The following SGIP1 variants were observed in gnomAD, a reference collection of about 807,000 sequenced individuals.
The protein encoded by SGIP1 is SH3-containing GRB2-like protein 3-interacting protein 1.
In SGIP1, 38 loss-of-function variants were observed where a neutral mutation model predicts 107.5. The observed-to-expected ratio is 0.35, with a 90% CI of 0.27 to 0.46. SGIP1 has a LOEUF of 0.46. Among genes scored for constraint, SGIP1 ranks in the 20% least tolerant of loss-of-function variants. The pLI is 1.00. For synonymous variants in SGIP1, 365 were observed against 366.1 expected, an observed-to-expected ratio of 1.00 and a Z score of 0.03; for missense variants, 929 against 1,019.5, an observed-to-expected ratio of 0.91 and a Z score of 1.21.
rs1300000167 is a variant in SGIP1, at chr1:66,605,164, C to T, written c.11-20683C>T. Among the ~76,000 whole-genome samples the T allele has an allele frequency of 3.3e-5, 5 of 152,282 alleles. No individual in the cohort carries two copies. In the East Asian group the frequency reaches 9.6e-4, roughly 29 times the overall value. ...CCCCCATGACCTGACCCTTTAGCCC[C>T]ATCTCCTGTCACTGTCTTCTTCTTA... On this transcript the variant is annotated intron_variant, in intron 1 of 24. Coordinates refer to ENST00000371037, the MANE Select transcript of SGIP1 (RefSeq NM_032291.4).
intron 12 of SGIP1, among the ~76,000 whole-genome samples, chr1:66,673,759 C>A (rs2084466354): frequency 6.6e-6 from 1 of 152,098 alleles, no homozygotes; most frequent in African/African-American, 2.4e-5. Context: ...TGGGGTGTGG[C>A]CTCCCTGACC....
intron 1 of SGIP1, among the ~76,000 whole-genome samples, chr1:66,537,564 G>A (rs140065645): frequency 8.9e-4 from 136 of 152,122 alleles, no homozygotes; most frequent in African/African-American, 3.0e-3. Flanking sequence ...AACTGAAGGC[G>A]TTTTGCGTTT....
At position 66,735,866 on chromosome 1, in the gene SGIP1, G is replaced by C. The variant is rs866389997; in HGVS notation, c.2031+1986G>C. On this transcript the variant is annotated intron_variant, in intron 21 of 24. Transcript: ENST00000371037. The stretch of plus-strand genomic sequence containing the variant: ...AAAAAAAAAAAAAAAGAGTGAGATC[G>C]TGTGGTATTGGTCTTTCTGTGCCTG... Among the ~76,000 whole-genome samples, 78 of 150,690 alleles carry C rather than the reference G, an allele frequency of 5.2e-4. 17 individuals carry two copies. In the Middle Eastern group the frequency reaches 0.01, roughly 20 times the overall value.
At chr1:66,547,829 G>A (rs2056691993) in intron 1 of SGIP1, among the ~76,000 whole-genome samples, 1 of 152,082 alleles carries the variant, frequency 6.6e-6, no homozygotes, top group Admixed American at 6.6e-5. Flanking sequence ...GGGTGGCGGT[G>A]AAGGCTACTT....
Position 66,747,394 on chromosome 1 carries a change from C to T in SGIP1, c.*4299C>T, listed in dbSNP as rs1013071901. On this transcript the variant is annotated 3_prime_UTR_variant, in exon 25 of 25. Transcript: ENST00000371037. ...TCCTCCAATCTTAAAAAATTTTTTT[C>T]CCTAGGAAAATCCCTATCTTTTTCT... 1.3e-5 allele frequency: 2 copies of T among 151,916 alleles called. No individual in the cohort carries two copies. Among genetic ancestry groups the T allele is most frequent in the Non-Finnish European group, 2.9e-5 (2 of 67,870 alleles). The allele number at this position is 151,916 out of a possible 1,614,324, so 9.4% of individuals were successfully genotyped here.
chr1:66,663,942 T>G (rs2082024229), intron 8 of SGIP1, among the ~76,000 whole-genome samples: 1 of 152,176 alleles, frequency 6.6e-6, no homozygotes, highest in East Asian at 1.9e-4. Flanking sequence ...GCACCTACTT[T>G]AATAATAAAG....
intron 1 of SGIP1, among the ~76,000 whole-genome samples, chr1:66,571,115 A>G (rs1199768041): frequency 2.0e-5 from 3 of 152,018 alleles, no homozygotes; most frequent in Admixed American, 6.6e-5. Context: ...CTAAAGTTGA[A>G]TTGGATTAGG....
chr1:66,634,956 C>T (rs1450684537), intron 3 of SGIP1, among the ~76,000 whole-genome samples: 2 of 152,206 alleles, frequency 1.3e-5, no homozygotes, highest in African/African-American at 4.8e-5. Flanking sequence ...TTTCCTTCAG[C>T]CCTTGTTTCT....
At chr1:66,642,913 A>G (rs777215033) in intron 6 of SGIP1, 49 bp downstream of exon 6, 28 of 1,448,082 alleles carry the variant, frequency 1.9e-5, no homozygotes, top group Admixed American at 1.7e-4. Context: ...CTCTCAGAAA[A>G]CAGTAGGATA....
In SGIP1 at chr1:66,639,769, T is replaced by C. The variant is rs766696651; in HGVS notation, c.172-8T>C. 1 of 1,606,900 alleles carries C rather than the reference T, an allele frequency of 6.2e-7. No homozygotes were observed. Among genetic ancestry groups the C allele is most frequent in the East Asian group, 2.2e-5 (1 of 44,716 alleles). ...TTCCTTCTAAATTCATTTTCAAATT[T>C]ATTACAGAAGAAAAGCAATGGGGCA... On this transcript the variant is annotated splice_region_variant and splice_polypyrimidine_tract_variant and intron_variant, in intron 4 of 24. Coordinates refer to ENST00000371037, the MANE Select transcript of SGIP1 (RefSeq NM_032291.4).
At chr1:66,610,038 G>A (rs540575086) in intron 1 of SGIP1, among the ~76,000 whole-genome samples, 2 of 152,066 alleles carry the variant, frequency 1.3e-5, no homozygotes, top group African/African-American at 2.4e-5. Flanking sequence ...TAATCAAAAC[G>A]CTGAGCCAAA....
chr1:66,659,066 T>C (rs2080362731), intron 7 of SGIP1, among the ~76,000 whole-genome samples: 1 of 152,106 alleles, frequency 6.6e-6, no homozygotes, highest in Admixed American at 6.6e-5. Context: ...GGAAGGGAAG[T>C]TGGAGCCCAT....
At chr1:66,731,588 T>C (rs1245163359) in intron 20 of SGIP1, among the ~76,000 whole-genome samples, 1 of 152,204 alleles carries the variant, frequency 6.6e-6, no homozygotes, top group Admixed American at 6.5e-5. Context: ...TGAACTCTAC[T>C]TGATCACTGT....
intron 1 of SGIP1, among the ~76,000 whole-genome samples, chr1:66,587,305 T>C (rs1289193786): frequency 6.6e-6 from 1 of 152,064 alleles, no homozygotes; most frequent in African/African-American, 2.4e-5. Context: ...TCTCTCCTTC[T>C]GAGACTCCAA....
At chr1:66,690,593 C>T (rs2089601685) in intron 17 of SGIP1, 2 of 289,034 alleles carry the variant, frequency 6.9e-6, no homozygotes, top group African/African-American at 2.2e-5. Flanking sequence ...AGTAAGAAAT[C>T]GCCAAGGAAG....
At chr1:66,695,568 T>C in intron 18 of SGIP1, 75 bp downstream of exon 18, 1 of 1,439,636 alleles carries the variant, frequency 6.9e-7, no homozygotes. Context: ...CATTTCCAAA[T>C]CCCAGTTCTC....
At chr1:66,620,599 T>C (rs1004298715) in intron 1 of SGIP1, among the ~76,000 whole-genome samples, 1 of 151,944 alleles carries the variant, frequency 6.6e-6, no homozygotes, top group Non-Finnish European at 1.5e-5. Flanking sequence ...AAGCATAAAC[T>C]CTTGTGAGAA....
rs12096063 is a variant in SGIP1 at position 66,746,140 on chromosome 1, T to C, written c.*3045T>C. On this transcript the variant is annotated 3_prime_UTR_variant, in exon 25 of 25. Coordinates refer to ENST00000371037, the MANE Select transcript of SGIP1 (RefSeq NM_032291.4). ...GAGCTATAATTACAAGTATTTCCACTTCTAAATCTTCTTTTAGAAAAGCAG... is the reference window on the plus strand; with the variant it reads ...GAGCTATAATTACAAGTATTTCCACCTCTAAATCTTCTTTTAGAAAAGCAG... 7 of 152,204 alleles carry C rather than the reference T, an allele frequency of 4.6e-5. No individual in the cohort carries two copies. The highest frequency in any genetic ancestry group is 1.7e-4 in the African/African-American group (7 of 41,472). The allele number at this position is 152,204 out of a possible 1,614,324, so 9.4% of individuals were successfully genotyped here.
At chr1:66,621,948 T>C (rs1397727640) in intron 1 of SGIP1, among the ~76,000 whole-genome samples, 3 of 152,224 alleles carry the variant, frequency 2.0e-5, no homozygotes, top group African/African-American at 7.2e-5. Context: ...ACATATGTAT[T>C]AAAAGTAGAG....
Sources: allele counts gnomAD v4.1 joint callset (sites outside exome capture counted in the v4.1 genomes callset), GRCh38; gene constraint gnomAD v4.1.1; transcripts MANE v1.5; gene names NCBI Gene and HGNC (gene_info 2026-07-23, HGNC 2026-07-21).